Variants in UBE2E3 observed in about 807,000 individuals in gnomAD.
The protein encoded by UBE2E3 is ubiquitin conjugating enzyme E2 E3.
Under a neutral mutation model 23.6 loss-of-function variants are expected in UBE2E3, and 5 were observed. The ratio of observed to expected loss-of-function variants is 0.21; its 90% CI spans 0.11 to 0.44. The LOEUF is 0.44. Ranked by LOEUF, UBE2E3 falls within the 20% of genes least tolerant of loss-of-function variation. UBE2E3 has a pLI of 0.99. For missense variants in UBE2E3, 81 were observed against 249.8 expected (o/e 0.32, Z 4.55); for synonymous variants, 78 against 87.5 (o/e 0.89, Z 0.60).
At chr2:180,998,045 A>G (rs755930690) in intron 3 of UBE2E3, among the ~76,000 whole-genome samples, 8 of 152,180 alleles carry the variant, frequency 5.3e-5, no homozygotes, top group Non-Finnish European at 8.8e-5. Context: ...AGCACTAACT[A>G]TGAGAATAAT....
At chr2:181,047,920 C>G (rs1001921105) in intron 3 of UBE2E3, among the ~76,000 whole-genome samples, 6 of 151,922 alleles carry the variant, frequency 3.9e-5, no homozygotes, top group African/African-American at 1.4e-4. Flanking sequence ...AAGGTCCTGC[C>G]TAGACGTTTG....
At chr2:181,032,533 G>A (rs80095608) in intron 3 of UBE2E3, among the ~76,000 whole-genome samples, 1 of 152,004 alleles carries the variant, frequency 6.6e-6, no homozygotes, top group East Asian at 1.9e-4. Flanking sequence ...TTATATCTTA[G>A]GACTTTCTCA....
At chr2:180,999,522 A>G (rs1477563866) in intron 3 of UBE2E3, among the ~76,000 whole-genome samples, 1 of 152,216 alleles carries the variant, frequency 6.6e-6, no homozygotes, top group Non-Finnish European at 1.5e-5. Flanking sequence ...ACTGCTTTTC[A>G]CAAAAGCTGT....
At chr2:181,046,790 C>T (rs959012565) in intron 3 of UBE2E3, among the ~76,000 whole-genome samples, 1 of 152,112 alleles carries the variant, frequency 6.6e-6, no homozygotes, top group Non-Finnish European at 1.5e-5. Flanking sequence ...ATAGAAATTA[C>T]TCTGCCTACC....
At position 181,058,411 on chromosome 2, in the gene UBE2E3, C is replaced by CGGGGTGAGTTG. The variant is rs556978085; in HGVS notation, c.378+587_378+597dup. Among the ~76,000 whole-genome samples the CGGGGTGAGTTG allele has an allele frequency of 3.1e-3, 472 of 151,748 alleles. 3 individuals are homozygous for CGGGGTGAGTTG. The highest frequency in any genetic ancestry group is 1.9e-3 in the Non-Finnish European group (132 of 67,754). The stretch of plus-strand genomic sequence containing the variant: ...TATGAATTAGATGGATAACAGAGAA[C>CGGGGTGAGTTG]GGGGTGAGTTGTGCCTTCTAATGAC... On this transcript the variant is annotated intron_variant, in intron 4 of 5. Transcript: ENST00000410062.
At chr2:180,982,283 C>CA in intron 2 of UBE2E3, 47 bp downstream of exon 2, 2 of 1,562,904 alleles carry the variant, frequency 1.3e-6, no homozygotes, top group Non-Finnish European at 1.7e-6. Flanking sequence ...GGTTGTCTTC[C>CA]AGGTGGTTGG....
At chr2:180,998,238 C>T (rs1227995149) in intron 3 of UBE2E3, among the ~76,000 whole-genome samples, 1 of 152,066 alleles carries the variant, frequency 6.6e-6, no homozygotes. Flanking sequence ...GTTCACTTTA[C>T]CCTCATGCTA....
intron 3 of UBE2E3, among the ~76,000 whole-genome samples, chr2:181,013,480 T>C (rs199918333): frequency 5.3e-5 from 5 of 94,400 alleles, no homozygotes; most frequent in Admixed American, 4.1e-4. Context: ...TCACTGGCTG[T>C]TGGCAAATGG....
At chr2:181,006,130 C>T (rs11896331) in intron 3 of UBE2E3, among the ~76,000 whole-genome samples, 2,737 of 152,158 alleles carry the variant, frequency 0.018, 68 homozygotes, top group African/African-American at 0.063. Context: ...GACAGCAAGG[C>T]AGAACTGGAG....
intron 4 of UBE2E3, among the ~76,000 whole-genome samples, chr2:181,059,048 A>G (rs1453905917): frequency 6.6e-6 from 1 of 151,730 alleles, no homozygotes; most frequent in Admixed American, 6.6e-5. Flanking sequence ...ACTGTATATG[A>G]TTTGCCGTAA....
intron 3 of UBE2E3, among the ~76,000 whole-genome samples, chr2:181,014,209 A>G (rs527737438): frequency 1.3e-5 from 2 of 152,090 alleles, no homozygotes; most frequent in African/African-American, 4.8e-5. Flanking sequence ...TTTGTTTTCA[A>G]TGGTTGTGGT....
intron 3 of UBE2E3, among the ~76,000 whole-genome samples, chr2:181,021,009 C>A (rs1450363512): frequency 6.6e-6 from 1 of 152,122 alleles, no homozygotes; most frequent in African/African-American, 2.4e-5. Flanking sequence ...GCATTTGAAA[C>A]TGATGAAAGG....
At chr2:181,051,405 GGT>G (rs1229095952) in intron 3 of UBE2E3, among the ~76,000 whole-genome samples, 2 of 151,664 alleles carry the variant, frequency 1.3e-5, no homozygotes, top group Admixed American at 6.6e-5. Flanking sequence ...TTAGAACTCA[GGT>G]GTGCTTACTG....
At chr2:180,986,945 G>A (rs1241938576) in intron 3 of UBE2E3, among the ~76,000 whole-genome samples, 1 of 152,056 alleles carries the variant, frequency 6.6e-6, no homozygotes, top group Non-Finnish European at 1.5e-5. Context: ...ATATAGTTAT[G>A]TCTAGTACAT....
chr2:181,020,594 A>G (rs1685642982), intron 3 of UBE2E3, among the ~76,000 whole-genome samples: 1 of 152,214 alleles, frequency 6.6e-6, no homozygotes, highest in Non-Finnish European at 1.5e-5. Context: ...CATTTCAATA[A>G]TACCACTACG....
chr2:181,022,187 CA>C (rs1381272345), intron 3 of UBE2E3, among the ~76,000 whole-genome samples: 1 of 152,076 alleles, frequency 6.6e-6, no homozygotes, highest in East Asian at 1.9e-4. Flanking sequence ...GTCAGACTGC[CA>C]TTTTTTTATG....
At chr2:181,034,631 C>T (rs1013523135) in intron 3 of UBE2E3, among the ~76,000 whole-genome samples, 7 of 152,184 alleles carry the variant, frequency 4.6e-5, no homozygotes, top group Admixed American at 1.3e-4. Context: ...ACATATGTAA[C>T]GAACCTGCAC....
intron 3 of UBE2E3, among the ~76,000 whole-genome samples, chr2:181,019,787 GT>G (rs1685615092): frequency 6.6e-6 from 1 of 152,110 alleles, no homozygotes; most frequent in Admixed American, 6.5e-5. Context: ...CCATAAGCTA[GT>G]TAACGTAGCC....
intron 3 of UBE2E3, among the ~76,000 whole-genome samples, chr2:180,988,327 A>G (rs899005249): frequency 3.3e-5 from 5 of 152,104 alleles, no homozygotes; most frequent in Non-Finnish European, 7.4e-5. Flanking sequence ...ATAACAAGCA[A>G]TTTGTTTTTT....
Sources: gnomAD v4.1 joint callset for allele counts (sites outside exome capture counted in the v4.1 genomes callset) on GRCh38, gnomAD v4.1.1 for gene constraint, MANE v1.5 for transcripts, NCBI Gene and HGNC (gene_info 2026-07-23, HGNC 2026-07-21) for gene names.